The following CEP112 variants were observed in gnomAD, a reference collection of about 807,000 sequenced individuals.
The protein encoded by CEP112 is centrosomal protein of 112 kDa.
A neutral mutation model predicts 153.0 loss-of-function variants in CEP112; 127 were observed. The observed-to-expected ratio is 0.83, with a 90% confidence interval of 0.72 to 0.96. The LOEUF is 0.96. Ranked by LOEUF, CEP112 falls within the 40% of genes least tolerant of loss-of-function variation. The pLI, the probability that CEP112 is intolerant of heterozygous loss-of-function variation, is 0.00. For synonymous variants in CEP112, 358 were observed against 374.4 expected (o/e 0.96, Z 0.51); for missense variants, 1,089 against 1,101.2 (o/e 0.99, Z 0.16).
At position 65,751,676 on chromosome 17, in the gene CEP112, T is replaced by C. The variant is rs146790069; in HGVS notation, c.2395-952A>G. On this transcript the variant is annotated intron_variant, in intron 21 of 26. Coordinates refer to ENST00000535342, the MANE Select transcript of CEP112 (RefSeq NM_001199165.4). The stretch of plus-strand genomic sequence containing the variant: ...TGTTTCTATGTTCCATTTGTCTTTT[T>C]GATTATTCTTAGAATTTCCTCAACT... 2.7e-3 allele frequency among the ~76,000 whole-genome samples: 406 copies of C among 152,366 alleles called. 2 individuals carry two copies. The highest frequency in any genetic ancestry group is 9.5e-3 in the African/African-American group (397 of 41,594).
intron 21 of CEP112, among the ~76,000 whole-genome samples, chr17:65,755,195 T>C (rs746068419): frequency 6.6e-5 from 10 of 152,054 alleles, no homozygotes; most frequent in Non-Finnish European, 1.3e-4. Flanking sequence ...TTCTGCAGGG[T>C]GTACGGGAAG....
At chr17:65,932,413 A>G (rs1200096296) in intron 18 of CEP112, among the ~76,000 whole-genome samples, 1 of 152,222 alleles carries the variant, frequency 6.6e-6, no homozygotes, top group Non-Finnish European at 1.5e-5. Context: ...TCCAACAATG[A>G]ACCCTAAAAA....
At chr17:65,848,596 T>G (rs925667846) in intron 21 of CEP112, among the ~76,000 whole-genome samples, 1 of 152,254 alleles carries the variant, frequency 6.6e-6, no homozygotes, top group East Asian at 1.9e-4. Context: ...CCACTCACTC[T>G]CAAGGCCACT....
In CEP112 at chr17:66,101,479, A is replaced by G. The variant is rs1342777098; in HGVS notation, c.643-4847T>C. 2.0e-5 allele frequency among the ~76,000 whole-genome samples: 3 copies of G among 152,246 alleles called. No individual in the cohort carries two copies. In the East Asian group the frequency reaches 5.8e-4, roughly 29 times the overall value. ...GATAATCAAGGAACCTTCAGTCAAG[A>G]GACTGATGCTTCCTGATTAAGTATT... On this transcript the variant is annotated intron_variant, in intron 6 of 26. Transcript: ENST00000535342.
At chr17:65,973,928 T>G (rs760489633) in intron 17 of CEP112, among the ~76,000 whole-genome samples, 10 of 152,176 alleles carry the variant, frequency 6.6e-5, no homozygotes, top group Admixed American at 2.0e-4. Context: ...TGTGTTAAAA[T>G]GGCCCTTAAA....
intron 21 of CEP112, among the ~76,000 whole-genome samples, chr17:65,789,194 C>T (rs1416088787): frequency 6.6e-6 from 1 of 152,092 alleles, no homozygotes; most frequent in African/African-American, 2.4e-5. Context: ...ATTTAGACAC[C>T]CAAATAAGAA....
chr17:65,924,897 CG>C (rs371874343), intron 19 of CEP112, among the ~76,000 whole-genome samples: 10 of 152,200 alleles, frequency 6.6e-5, no homozygotes, highest in South Asian at 4.1e-4. Flanking sequence ...TTTCATGATA[CG>C]GGCAGCTGCT....
At chr17:65,831,141 A>G (rs185166518) in intron 21 of CEP112, among the ~76,000 whole-genome samples, 1 of 152,358 alleles carries the variant, frequency 6.6e-6, no homozygotes, top group African/African-American at 2.4e-5. Flanking sequence ...CCACCAACAT[A>G]AAGATGCAAG....
At chr17:65,896,153 A>G (rs540161698) in intron 20 of CEP112, among the ~76,000 whole-genome samples, 2 of 152,238 alleles carry the variant, frequency 1.3e-5, no homozygotes, top group African/African-American at 4.8e-5. Context: ...AGTGGACCAA[A>G]TACCACAGAA....
intron 12 of CEP112, among the ~76,000 whole-genome samples, chr17:66,031,481 T>TTTG (rs1555776142): frequency 2.9e-5 from 1 of 34,898 alleles, no homozygotes; most frequent in Non-Finnish European, 1.1e-4. Flanking sequence ...TTGTTTTTTT[T>TTTG]TTTTGTTTTT....
chr17:66,136,617 A>T (rs923309933), intron 4 of CEP112, among the ~76,000 whole-genome samples: 8 of 152,178 alleles, frequency 5.3e-5, no homozygotes. Context: ...GTCTTGAAGC[A>T]CTGGTGGGAC....
At position 65,685,829 on chromosome 17, in the gene CEP112, C is replaced by T. The variant is rs377393725; in HGVS notation, c.2697+3300G>A. ...CTGGGATTATAGGCGCCCGCCACCA[C>T]GCCTGGCTAATTTTTGTATTTTTAG... On this transcript the variant is annotated intron_variant, in intron 24 of 26. Transcript: ENST00000535342. Among the ~76,000 whole-genome samples, 19 of 152,066 alleles carry T rather than the reference C, an allele frequency of 1.2e-4. No individual in the cohort carries two copies. In the East Asian group the frequency reaches 1.4e-3, roughly 11 times the overall value.
At chr17:65,809,305 C>T (rs908915082) in intron 21 of CEP112, among the ~76,000 whole-genome samples, 34 of 152,228 alleles carry the variant, frequency 2.2e-4, no homozygotes, top group African/African-American at 8.2e-4. Context: ...GGCCAGATTT[C>T]CATTTTGTTT....
chr17:65,951,510 A>G (rs921663260), intron 18 of CEP112, among the ~76,000 whole-genome samples: 2 of 152,140 alleles, frequency 1.3e-5, no homozygotes, highest in Admixed American at 1.3e-4. Context: ...GTTGGTATAC[A>G]AAGTTTTTAG....
chr17:65,800,999 T>C (rs766731679), intron 21 of CEP112, among the ~76,000 whole-genome samples: 47 of 152,220 alleles, frequency 3.1e-4, no homozygotes, highest in Admixed American at 1.6e-3. Context: ...ATTCTTTATA[T>C]AGTCTATTAG....
At chr17:66,188,276 CACACACACAA>C (rs201201533) in intron 1 of CEP112, among the ~76,000 whole-genome samples, 2,711 of 61,694 alleles carry the variant, frequency 0.044, 45 homozygotes, top group Middle Eastern at 0.067. Context: ...TCTCTCACAC[CACACACACAA>C]ACACACACAC....
At chr17:65,976,794 A>G (rs532041233) in intron 17 of CEP112, among the ~76,000 whole-genome samples, 1 of 132,574 alleles carries the variant, frequency 7.5e-6, no homozygotes, top group South Asian at 2.4e-4. Flanking sequence ...GCTGGAGTGC[A>G]GTGGTGCAAT....
intron 4 of CEP112, among the ~76,000 whole-genome samples, chr17:66,168,486 T>C (rs145284630): frequency 9.6e-4 from 137 of 142,140 alleles, no homozygotes; most frequent in African/African-American, 3.3e-3. Flanking sequence ...TGTATATATG[T>C]GTGTGTGTAT....
rs1044926603 is a variant in CEP112 at position 66,098,432 on chromosome 17, A to C, written c.643-1800T>G. The stretch of plus-strand genomic sequence containing the variant: ...CCAAAATCCCATTGTGTTTTCAAAA[A>C]GTTCCCCAAACGATTTATTACGGTT... On this transcript the variant is annotated intron_variant, in intron 6 of 26. Coordinates refer to ENST00000535342, the MANE Select transcript of CEP112 (RefSeq NM_001199165.4). Among the ~76,000 whole-genome samples, 3 of 152,190 alleles carry C rather than the reference A, an allele frequency of 2.0e-5. No individual in the cohort carries two copies. In the East Asian group the frequency reaches 5.8e-4, roughly 29 times the overall value.
Sources: allele counts gnomAD v4.1 joint callset (sites outside exome capture counted in the v4.1 genomes callset), GRCh38; gene constraint gnomAD v4.1.1; transcripts MANE v1.5; gene names NCBI Gene and HGNC (gene_info 2026-07-23, HGNC 2026-07-21).